PID1: variants seen among roughly 807,000 people sequenced by gnomAD.
PID1 encodes the protein PTB-containing, cubilin and LRP1-interacting protein.
PID1 carries 10 observed loss-of-function variants against 19.1 expected under a neutral mutation model. The ratio of observed to expected loss-of-function variants is 0.52; its 90% CI spans 0.32 to 0.89. The LOEUF (loss-of-function observed/expected upper bound fraction) is 0.89, where lower values mean the gene tolerates loss of function less well. Ranked by LOEUF, PID1 falls within the 40% of genes least tolerant of loss-of-function variation. PID1 has a pLI of 0.03. For synonymous variants in PID1, 130 were observed against 116.0 expected (o/e 1.12, Z -0.78); for missense variants, 248 against 285.3 (o/e 0.87, Z 0.94).
At chr2:229,151,869 T>C (rs986418287) in intron 2 of PID1, among the ~76,000 whole-genome samples, 2 of 152,078 alleles carry the variant, frequency 1.3e-5, no homozygotes, top group Non-Finnish European at 2.9e-5. Flanking sequence ...CGCGCCCAGC[T>C]ATTTTTTTTT....
At chr2:229,175,163 G>GT (rs556850751) in intron 1 of PID1, among the ~76,000 whole-genome samples, 2 of 152,114 alleles carry the variant, frequency 1.3e-5, no homozygotes, top group African/African-American at 4.8e-5. Flanking sequence ...AAAAGTTCTT[G>GT]TTTTTTTGAG....
chr2:229,199,144 C>T (rs1691438028), intron 1 of PID1, among the ~76,000 whole-genome samples: 1 of 152,008 alleles, frequency 6.6e-6, no homozygotes, highest in Admixed American at 6.6e-5. Context: ...GTAACCCCCA[C>T]CCCAAATATG....
intron 2 of PID1, among the ~76,000 whole-genome samples, chr2:229,068,644 G>A (rs576450655): frequency 6.6e-6 from 1 of 152,254 alleles, no homozygotes; most frequent in Non-Finnish European, 1.5e-5. Flanking sequence ...GGTGAAAAGC[G>A]AGTTTGGGAC....
chr2:229,029,187 T>C (rs574222804), intron 2 of PID1, among the ~76,000 whole-genome samples: 77 of 150,364 alleles, frequency 5.1e-4, no homozygotes, highest in African/African-American at 1.7e-3. Flanking sequence ...AATTTACCCA[T>C]GTAACAAACC....
chr2:229,095,795 G>C (rs1694961382), intron 2 of PID1, among the ~76,000 whole-genome samples: 1 of 152,052 alleles, frequency 6.6e-6, no homozygotes, highest in Non-Finnish European at 1.5e-5. Flanking sequence ...GATATGAGCA[G>C]TCATAAAAAA....
intron 2 of PID1, among the ~76,000 whole-genome samples, chr2:229,080,815 G>A (rs1694654732): frequency 6.6e-6 from 1 of 152,128 alleles, no homozygotes; most frequent in Admixed American, 6.5e-5. Flanking sequence ...AGCTAGGGAA[G>A]GCCATGAGAA....
chr2:229,105,606 TG>T (rs1695161152), intron 2 of PID1, among the ~76,000 whole-genome samples: 1 of 152,210 alleles, frequency 6.6e-6, no homozygotes, highest in South Asian at 2.1e-4. Flanking sequence ...TGAACTCTCA[TG>T]TGTACAGTAC....
intron 1 of PID1, among the ~76,000 whole-genome samples, chr2:229,168,425 C>A (rs1690645806): frequency 6.6e-6 from 1 of 151,900 alleles, no homozygotes; most frequent in Non-Finnish European, 1.5e-5. Context: ...ACTTATTTTT[C>A]CTCTGGCTGT....
intron 2 of PID1, among the ~76,000 whole-genome samples, chr2:229,151,875 T>A: frequency 6.6e-6 from 1 of 152,150 alleles, no homozygotes. Flanking sequence ...CAGCTATTTT[T>A]TTTTATTACT....
chr2:229,112,402 T>C (rs1695316195), intron 2 of PID1, among the ~76,000 whole-genome samples: 1 of 152,202 alleles, frequency 6.6e-6, no homozygotes, highest in South Asian at 2.1e-4. Context: ...TCCTTAGCAA[T>C]GTACTCAGCT....
At position 229,128,645 on chromosome 2, in the gene PID1, T is replaced by C. The variant is rs1317253388; in HGVS notation, c.177+27173A>G. ...TCTTCATTCCAATTTATTTTTAAGC[T>C]AAAAAAAATCTAAAAAATAAACAAG... On this transcript the variant is annotated intron_variant, in intron 2 of 2. Coordinates refer to ENST00000392055, the MANE Select transcript of PID1 (RefSeq NM_001100818.2). 3.9e-5 allele frequency among the ~76,000 whole-genome samples: 6 copies of C among 152,026 alleles called. No homozygotes were observed. The East Asian group carries it at 9.6e-4, about 24-fold the overall frequency.
In PID1 at chr2:229,216,513, A is replaced by T. The variant is rs954531776; in HGVS notation, c.30+54501T>A. Among the ~76,000 whole-genome samples, 39 of 152,336 alleles carry T rather than the reference A, an allele frequency of 2.6e-4. 1 individual carries two copies. The highest frequency in any genetic ancestry group is 2.5e-3 in the Admixed American group (39 of 15,296). ...GCTAAATGACCATGTCTCAGAGAAA[A>T]GAGCAGAAAAATGATGGAGATGCTA... On this transcript the variant is annotated intron_variant, in intron 1 of 2. Transcript: ENST00000392055.
intron 1 of PID1, among the ~76,000 whole-genome samples, chr2:229,225,385 C>A (rs1385794137): frequency 1.3e-5 from 2 of 152,102 alleles, no homozygotes; most frequent in Non-Finnish European, 2.9e-5. Context: ...TGGATTGGAT[C>A]CTTCACTTGC....
At chr2:229,070,346 C>T (rs757668536) in intron 2 of PID1, among the ~76,000 whole-genome samples, 2 of 152,186 alleles carry the variant, frequency 1.3e-5, no homozygotes, top group African/African-American at 2.4e-5. Context: ...GTTTTATCAT[C>T]GAAAATTGGA....
rs768044946 is a variant in PID1, at chr2:229,122,672, G to A, written c.177+33146C>T. 5.3e-5 allele frequency among the ~76,000 whole-genome samples: 8 copies of A among 152,252 alleles called. No homozygotes were observed. In the East Asian group the frequency reaches 9.7e-4, roughly 18 times the overall value. ...ACTGAAGGGAAGCAGGCCTACTATC[G>A]TCATTAGTGGATATCAGGATTGAGG... On this transcript the variant is annotated intron_variant, in intron 2 of 2. Coordinates refer to ENST00000392055, the MANE Select transcript of PID1 (RefSeq NM_001100818.2).
At chr2:229,083,261 T>C (rs1269151246) in intron 2 of PID1, among the ~76,000 whole-genome samples, 1 of 152,214 alleles carries the variant, frequency 6.6e-6, no homozygotes, top group Non-Finnish European at 1.5e-5. Flanking sequence ...CAATCCAGTA[T>C]GTGCTGGAGT....
chr2:229,145,145 A>ATGTGTG (rs1309395453), intron 2 of PID1, among the ~76,000 whole-genome samples: 11 of 99,102 alleles, frequency 1.1e-4, no homozygotes, highest in African/African-American at 4.4e-4. Flanking sequence ...GAGTTTAAAT[A>ATGTGTG]TATGTATGTG....
At chr2:229,115,852 G>T (rs2106153688) in intron 2 of PID1, among the ~76,000 whole-genome samples, 1 of 152,244 alleles carries the variant, frequency 6.6e-6, no homozygotes, top group South Asian at 2.1e-4. Context: ...AAAATCCAGA[G>T]GTGAGTCAGT....
intron 1 of PID1, among the ~76,000 whole-genome samples, chr2:229,174,980 G>GT (rs1690789077): frequency 6.6e-6 from 1 of 152,266 alleles, no homozygotes; most frequent in East Asian, 1.9e-4. Context: ...CATGCTGTGA[G>GT]GAAGCTCAAA....
Sources: gnomAD v4.1 joint callset for allele counts (sites outside exome capture counted in the v4.1 genomes callset) on GRCh38, gnomAD v4.1.1 for gene constraint, MANE v1.5 for transcripts, NCBI Gene and HGNC (gene_info 2026-07-23, HGNC 2026-07-21) for gene names.